Variants in DCDC2 observed in about 807,000 individuals in gnomAD.
DCDC2 encodes doublecortin domain containing 2, also known as doublecortin domain-containing protein 2.
Under a neutral mutation model 50.2 loss-of-function variants are expected in DCDC2, and 40 were observed. The observed-to-expected ratio is 0.80, with a 90% confidence interval of 0.62 to 1.04. The LOEUF (loss-of-function observed/expected upper bound fraction) is 1.04. Among genes scored for constraint, DCDC2 ranks in the 50% least tolerant of loss-of-function variants. DCDC2 has a pLI of 0.00. For synonymous variants in DCDC2, 234 were observed against 210.6 expected, an observed-to-expected ratio of 1.11 and a Z score of -0.96; for missense variants, 570 against 581.9, an observed-to-expected ratio of 0.98 and a Z score of 0.21.
At chr6:24,181,022 G>GA (rs1234151999) in intron 8 of DCDC2, among the ~76,000 whole-genome samples, 3 of 152,130 alleles carry the variant, frequency 2.0e-5, no homozygotes, top group South Asian at 2.1e-4. Context: ...CTTAGATACT[G>GA]AAAAAACCAC....
At chr6:24,337,755 G>C (rs1030848513) in intron 2 of DCDC2, among the ~76,000 whole-genome samples, 2 of 143,320 alleles carry the variant, frequency 1.4e-5, no homozygotes, top group African/African-American at 5.2e-5. Flanking sequence ...CTGAGATGGT[G>C]CCACCGTACT....
chr6:24,192,852 ACAAT>A (rs1761343119), intron 8 of DCDC2, among the ~76,000 whole-genome samples: 1 of 152,072 alleles, frequency 6.6e-6, no homozygotes, highest in African/African-American at 2.4e-5. Context: ...TATCAAAGAA[ACAAT>A]TTTTTTCCAA....
intron 7 of DCDC2, among the ~76,000 whole-genome samples, chr6:24,240,171 A>G: frequency 6.6e-6 from 1 of 152,196 alleles, no homozygotes; most frequent in East Asian, 1.9e-4. Context: ...ATAAACAACT[A>G]GTGTAGCTAC....
At chr6:24,248,756 T>C (rs1479731500) in intron 7 of DCDC2, among the ~76,000 whole-genome samples, 1 of 152,132 alleles carries the variant, frequency 6.6e-6, no homozygotes, top group African/African-American at 2.4e-5. Flanking sequence ...ATATAAAACA[T>C]ACAACAAATA....
intron 8 of DCDC2, among the ~76,000 whole-genome samples, chr6:24,181,060 A>G (rs564089867): frequency 1.2e-4 from 19 of 152,336 alleles, no homozygotes; most frequent in African/African-American, 4.6e-4. Flanking sequence ...AGATTAAAAG[A>G]CACCGTGAGC....
chr6:24,268,292 G>A (rs1476362241), intron 7 of DCDC2, among the ~76,000 whole-genome samples: 1 of 152,124 alleles, frequency 6.6e-6, no homozygotes, highest in African/African-American at 2.4e-5. Context: ...TTCGAGACCA[G>A]CCTAGCCAAC....
chr6:24,298,282 G>A lies in DCDC2; in HGVS notation c.557+3433C>T, dbSNP rs567786527. 1.4e-4 allele frequency among the ~76,000 whole-genome samples: 22 copies of A among 152,334 alleles called. No homozygotes were observed. In the South Asian group the frequency reaches 3.9e-3, roughly 27 times the overall value. On this transcript the variant is annotated intron_variant, in intron 4 of 9. Transcript: ENST00000378454. ...CCACTCACCTCCTGCTGTGCAGTCG[G>A]GTTCCTAACAGGCCACGGAATGGTA... is the stretch of plus-strand genomic sequence containing the variant.
intron 7 of DCDC2, among the ~76,000 whole-genome samples, chr6:24,217,648 G>A (rs948552641): frequency 6.6e-6 from 1 of 152,192 alleles, no homozygotes; most frequent in African/African-American, 2.4e-5. Flanking sequence ...CTGAGTGAGG[G>A]TGTTTTCAAT....
At chr6:24,372,094 T>C in the DCDC2 span, among the ~76,000 whole-genome samples, 2 of 152,162 alleles carry the variant, frequency 1.3e-5, no homozygotes, top group Non-Finnish European at 2.9e-5. Flanking sequence ...AGAAATACCA[T>C]TTGACCCAGC....
intron 1 of DCDC2, among the ~76,000 whole-genome samples, chr6:24,354,059 T>G (rs1760422909): frequency 6.6e-6 from 1 of 152,182 alleles, no homozygotes; most frequent in Non-Finnish European, 1.5e-5. Context: ...GAAATTATTG[T>G]CTCTATGAGA....
At chr6:24,306,432 G>A (rs796911236) in intron 2 of DCDC2, among the ~76,000 whole-genome samples, 6 of 151,830 alleles carry the variant, frequency 4.0e-5, no homozygotes, top group African/African-American at 1.4e-4. Flanking sequence ...TTAGAGAGAG[G>A]AGTCATTCTG....
intron 2 of DCDC2, among the ~76,000 whole-genome samples, chr6:24,328,917 T>A (rs932457085): frequency 6.6e-6 from 1 of 152,202 alleles, no homozygotes; most frequent in African/African-American, 2.4e-5. Flanking sequence ...CGATACATGA[T>A]AGATATTTAC....
chr6:24,189,041 T>C (rs748719711), intron 8 of DCDC2, among the ~76,000 whole-genome samples: 1 of 152,142 alleles, frequency 6.6e-6, no homozygotes, highest in Non-Finnish European at 1.5e-5. Flanking sequence ...TTATAAGTAA[T>C]TGCTCGTAAT....
intron 2 of DCDC2, among the ~76,000 whole-genome samples, chr6:24,350,531 G>A (rs1161921696): frequency 6.6e-6 from 1 of 152,134 alleles, no homozygotes; most frequent in Non-Finnish European, 1.5e-5. Context: ...CTTTTATTAT[G>A]CAGGCCCATC....
intron 2 of DCDC2, among the ~76,000 whole-genome samples, chr6:24,312,921 A>G (rs1346939787): frequency 3.3e-5 from 5 of 152,222 alleles, no homozygotes; most frequent in Admixed American, 2.6e-4. Context: ...GATACCCATC[A>G]TAAGTAATAC....
chr6:24,335,372 A>G (rs1041574830), intron 2 of DCDC2, among the ~76,000 whole-genome samples: 2 of 152,238 alleles, frequency 1.3e-5, no homozygotes, highest in African/African-American at 4.8e-5. Flanking sequence ...AATTAGCGGC[A>G]TTAATTTTGG....
chr6:24,217,943 GGCAGATAAAAACAAATT>G (rs1762018775), intron 7 of DCDC2, among the ~76,000 whole-genome samples: 1 of 152,084 alleles, frequency 6.6e-6, no homozygotes, highest in Non-Finnish European at 1.5e-5. Context: ...GCCAATAAAA[GGCAGATAAAAACAAATT>G]TTCCGTAAGA....
At chr6:24,288,402 T>C (rs1763664198) in intron 6 of DCDC2, among the ~76,000 whole-genome samples, 1 of 152,220 alleles carries the variant, frequency 6.6e-6, no homozygotes, top group Non-Finnish European at 1.5e-5. Flanking sequence ...GAATAAATGA[T>C]AAATGGAAAA....
At chr6:24,259,576 T>C (rs1194958407) in intron 7 of DCDC2, among the ~76,000 whole-genome samples, 4 of 152,228 alleles carry the variant, frequency 2.6e-5, no homozygotes, top group African/African-American at 9.6e-5. Context: ...CCCTTCCCTG[T>C]TCATATTAAA....
Sources: gnomAD v4.1 joint callset for allele counts (sites outside exome capture counted in the v4.1 genomes callset) on GRCh38, gnomAD v4.1.1 for gene constraint, MANE v1.5 for transcripts, NCBI Gene and HGNC (gene_info 2026-07-23, HGNC 2026-07-21) for gene names.